FUT8: variants seen among roughly 807,000 people sequenced by gnomAD.
FUT8 encodes alpha-(1,6)-fucosyltransferase.
FUT8 carries 29 observed loss-of-function variants against 71.3 expected under a neutral mutation model. The ratio of observed to expected loss-of-function variants is 0.41; its 90% CI spans 0.30 to 0.55. The LOEUF is 0.55. FUT8 is among the 20% of genes least tolerant of loss of function. The pLI is 0.34. For missense variants in FUT8, 544 were observed against 702.1 expected, an observed-to-expected ratio of 0.77 and a Z score of 2.55; for synonymous variants, 254 against 239.3, an observed-to-expected ratio of 1.06 and a Z score of -0.57.
the FUT8 span, among the ~76,000 whole-genome samples, chr14:65,362,727 C>G: frequency 6.6e-6 from 1 of 152,106 alleles, no homozygotes; most frequent in East Asian, 1.9e-4. Context: ...CTTTGGGAGG[C>G]TGAGGCGGGT....
At chr14:65,507,281 C>T (rs758870038) in intron 2 of FUT8, among the ~76,000 whole-genome samples, 5 of 152,204 alleles carry the variant, frequency 3.3e-5, no homozygotes, top group African/African-American at 4.8e-5. Flanking sequence ...TGCAAACTCT[C>T]GGCCTTCCAA....
chr14:65,593,865 C>T (rs568544258), intron 3 of FUT8, among the ~76,000 whole-genome samples: 2 of 152,000 alleles, frequency 1.3e-5, no homozygotes, highest in East Asian at 3.9e-4. Context: ...CATGCACCAC[C>T]ACACCTGGCT....
intron 10 of FUT8, among the ~76,000 whole-genome samples, chr14:65,737,030 GA>G (rs1235744014): frequency 6.6e-6 from 1 of 152,058 alleles, no homozygotes; most frequent in Non-Finnish European, 1.5e-5. Context: ...ATGCTAGAAG[GA>G]AAAATACAAG....
rs1231710312 is a variant in FUT8, at chr14:65,611,291, ACACACACACACC to A, written c.204-4685_204-4674del. ...CACACACACACACACACACACACAC[ACACACACACACC>A]CCCCAAGTAATAGCCTTGATTTTGC... On this transcript the variant is annotated intron_variant, in intron 3 of 10. Coordinates refer to ENST00000673929, the MANE Select transcript of FUT8 (RefSeq NM_001371533.1). Among the ~76,000 whole-genome samples the A allele has an allele frequency of 5.2e-3, 239 of 46,292 alleles. 33 individuals are homozygous for A. Among genetic ancestry groups the A allele is most frequent in the African/African-American group, 0.017 (149 of 9,016 alleles). 30.4% of individuals were successfully genotyped at this position (46,292 alleles called of 152,430 possible).
chr14:65,740,373 A>T (rs1896437111), intron 10 of FUT8, among the ~76,000 whole-genome samples: 1 of 152,032 alleles, frequency 6.6e-6, no homozygotes, highest in South Asian at 2.1e-4. Context: ...AGCATTTGAG[A>T]ATTGCCCCTC....
At chr14:65,542,886 G>A (rs1884761571) in intron 2 of FUT8, among the ~76,000 whole-genome samples, 2 of 152,222 alleles carry the variant, frequency 1.3e-5, no homozygotes, top group Admixed American at 6.5e-5. Flanking sequence ...GGGTTCAAGC[G>A]ATTATCCAGC....
chr14:65,422,554 A>G (rs2065314736), intron 1 of FUT8, among the ~76,000 whole-genome samples: 1 of 152,026 alleles, frequency 6.6e-6, no homozygotes, highest in Non-Finnish European at 1.5e-5. Flanking sequence ...CTGACATGCA[A>G]ATGGCATGAT....
At chr14:65,487,457 G>A (rs747090684) in intron 2 of FUT8, among the ~76,000 whole-genome samples, 15 of 151,718 alleles carry the variant, frequency 9.9e-5, no homozygotes, top group Non-Finnish European at 1.8e-4. Flanking sequence ...AAGCTACTCG[G>A]GAGGCTGAGG....
intron 2 of FUT8, among the ~76,000 whole-genome samples, chr14:65,518,773 G>C (rs1882882210): frequency 6.6e-6 from 1 of 152,088 alleles, no homozygotes; most frequent in Non-Finnish European, 1.5e-5. Flanking sequence ...ACCTGCTTTG[G>C]CCTCCCAAAG....
intron 6 of FUT8, among the ~76,000 whole-genome samples, chr14:65,664,650 T>A (rs1200441574): frequency 6.6e-6 from 1 of 152,136 alleles, no homozygotes; most frequent in Non-Finnish European, 1.5e-5. Context: ...TCTCAGTCTT[T>A]CCTTTGGAAT....
At chr14:65,712,601 C>T (rs1594926388) in intron 7 of FUT8, among the ~76,000 whole-genome samples, 1 of 152,124 alleles carries the variant, frequency 6.6e-6, no homozygotes, top group African/African-American at 2.4e-5. Flanking sequence ...TGTGCCACCA[C>T]ACCCGGCTAA....
chr14:65,633,588 C>T (rs1191965699), intron 6 of FUT8, among the ~76,000 whole-genome samples: 29 of 151,650 alleles, frequency 1.9e-4, no homozygotes, highest in African/African-American at 5.3e-4. Context: ...CGTCTCTGCC[C>T]GGCCGCCCAT....
chr14:65,507,086 A>C (rs2066747857), intron 2 of FUT8, among the ~76,000 whole-genome samples: 1 of 152,214 alleles, frequency 6.6e-6, no homozygotes, highest in African/African-American at 2.4e-5. Flanking sequence ...CATTAGAGGT[A>C]ATTGACATTG....
chr14:65,620,508 G>A (rs1889550254), intron 5 of FUT8, among the ~76,000 whole-genome samples: 2 of 152,288 alleles, frequency 1.3e-5, no homozygotes, highest in African/African-American at 4.8e-5. Context: ...TGATAGAATA[G>A]CTTACAGATT....
At chr14:65,650,555 C>T (rs1264793925) in intron 6 of FUT8, among the ~76,000 whole-genome samples, 1 of 151,664 alleles carries the variant, frequency 6.6e-6, no homozygotes, top group Admixed American at 6.6e-5. Flanking sequence ...GAGAAAAATA[C>T]TAGCAGGGTG....
the FUT8 span, among the ~76,000 whole-genome samples, chr14:65,369,419 G>A: frequency 6.6e-6 from 1 of 152,124 alleles, no homozygotes; most frequent in Non-Finnish European, 1.5e-5. This position sits in a 1 kb window ranked among gnomAD's most constrained non-coding sequence, Gnocchi z 4.6. Context: ...TCTTGTATAG[G>A]GGCTGGGTAA....
intron 7 of FUT8, among the ~76,000 whole-genome samples, chr14:65,701,223 CT>C (rs1456558763): frequency 6.6e-6 from 1 of 152,052 alleles, no homozygotes; most frequent in East Asian, 1.9e-4. Flanking sequence ...TTTATAAGGT[CT>C]TCATGAGTAA....
intron 6 of FUT8, among the ~76,000 whole-genome samples, chr14:65,632,009 G>T (rs1431471386): frequency 1.3e-5 from 2 of 152,190 alleles, no homozygotes; most frequent in African/African-American, 2.4e-5. Flanking sequence ...TCTCATGGAA[G>T]TCGCTGCAAA....
At chr14:65,583,114 G>C (rs150459013) in intron 3 of FUT8, among the ~76,000 whole-genome samples, 84 of 151,954 alleles carry the variant, frequency 5.5e-4, no homozygotes, top group African/African-American at 1.8e-3. Context: ...AGATTTTATT[G>C]ATCTGCCTTT....
Sources: allele counts gnomAD v4.1 joint callset (sites outside exome capture counted in the v4.1 genomes callset), GRCh38; gene constraint gnomAD v4.1.1; non-coding constraint Gnocchi (gnomAD v3.1); transcripts MANE v1.5; gene names NCBI Gene and HGNC (gene_info 2026-07-23, HGNC 2026-07-21).